PTPN11: variants seen among roughly 807,000 people sequenced by gnomAD.
PTPN11 encodes tyrosine-protein phosphatase non-receptor type 11.
In PTPN11, 6 loss-of-function variants were observed where a neutral mutation model predicts 78.8. The observed-to-expected ratio is 0.08, with a 90% CI of 0.04 to 0.15. PTPN11 has a LOEUF of 0.15. Among genes scored for constraint, PTPN11 ranks in the 10% least tolerant of loss-of-function variants. The pLI is 1.00. For missense variants in PTPN11, 386 were observed against 744.8 expected (o/e 0.52, Z 5.61); for synonymous variants, 221 against 263.5 (o/e 0.84, Z 1.56).
At chr12:112,419,296 C>T (rs1244481073) in intron 1 of PTPN11, among the ~76,000 whole-genome samples, 171 bp downstream of exon 1, 1 of 152,070 alleles carries the variant, frequency 6.6e-6, no homozygotes, top group East Asian at 1.9e-4. Context: ...GGGGCCGGCC[C>T]CACCGCGCCC....
At chr12:112,484,829 T>C (rs1056532052) in intron 10 of PTPN11, among the ~76,000 whole-genome samples, 35 of 151,704 alleles carry the variant, frequency 2.3e-4, no homozygotes, top group Non-Finnish European at 4.3e-4. Flanking sequence ...CTGGGCTGCA[T>C]TGAGCTGTGA....
rs1238453850 is a variant in PTPN11 at position 112,454,588 on chromosome 12, G to A, written c.550G>A (p.Gly184Arg). The stretch of plus-strand genomic sequence containing the variant: ...GGAACTGAAATACGACGTTGGTGGA[G>A]GAGAACGGTTTGATTCTTTGACAGA... ...CQELKYDVGG[G>R]ERFDSLTDLV... The change falls in exon 5 of 16, where the codon GGA (glycine) becomes AGA (arginine). Residue 184 changes from glycine to arginine, a missense_variant. By Grantham distance (125) the Gly-to-Arg change is moderately radical (BLOSUM62 -2). Transcript: ENST00000351677. 1 of 1,613,424 alleles carries A rather than the reference G, an allele frequency of 6.2e-7. No homozygotes were observed. The highest frequency in any genetic ancestry group is 1.3e-5 in the African/African-American group (1 of 74,906).
intron 1 of PTPN11, chr12:112,428,770 G>C (rs1277615765): frequency 1.3e-5 from 2 of 156,380 alleles, no homozygotes; most frequent in Non-Finnish European, 2.8e-5. Flanking sequence ...TTTTTGAGAC[G>C]GAGTTTAGCT....
intron 6 of PTPN11, chr12:112,457,476 A>G (rs1425085992): frequency 5.7e-6 from 1 of 176,202 alleles, no homozygotes; most frequent in African/African-American, 2.4e-5. Context: ...TGCAATAAAC[A>G]TATGTGTGCA....
chr12:112,470,425 C>T (rs983507138), intron 6 of PTPN11, among the ~76,000 whole-genome samples: 1 of 152,224 alleles, frequency 6.6e-6, no homozygotes, highest in Non-Finnish European at 1.5e-5. Context: ...TCATTTCACA[C>T]TCAAGGAAAC....
At chr12:112,492,605 C>T (rs1255336114) in intron 13 of PTPN11, among the ~76,000 whole-genome samples, 1 of 151,792 alleles carries the variant, frequency 6.6e-6, no homozygotes, top group Non-Finnish European at 1.5e-5. Flanking sequence ...GCAAGCTCCA[C>T]CTCCCGGGTT....
intron 6 of PTPN11, among the ~76,000 whole-genome samples, chr12:112,466,365 C>G (rs2038325683): frequency 6.6e-6 from 1 of 152,144 alleles, no homozygotes; most frequent in Non-Finnish European, 1.5e-5. Flanking sequence ...AATCTGCACA[C>G]AGGCCAGTAC....
At chr12:112,465,849 G>T (rs144672377) in intron 6 of PTPN11, among the ~76,000 whole-genome samples, 40 of 152,318 alleles carry the variant, frequency 2.6e-4, no homozygotes, top group African/African-American at 8.9e-4. Flanking sequence ...AAAAGTGTCT[G>T]CTGTGGACAC....
At chr12:112,436,938 G>A (rs997283719) in intron 1 of PTPN11, among the ~76,000 whole-genome samples, 6 of 151,916 alleles carry the variant, frequency 3.9e-5, no homozygotes, top group Admixed American at 1.3e-4. Flanking sequence ...GGTAAAAATG[G>A]TAATAAATTT....
At chr12:112,496,726 G>A (rs1592859404) in intron 13 of PTPN11, among the ~76,000 whole-genome samples, 2 of 152,134 alleles carry the variant, frequency 1.3e-5, no homozygotes, top group Admixed American at 6.5e-5. Context: ...TAGGTGTAAA[G>A]TAGTTTCAGA....
chr12:112,423,917 A>G lies in PTPN11; in HGVS notation c.14+4792A>G, dbSNP rs1594124315. Among the ~76,000 whole-genome samples the G allele has an allele frequency of 3.3e-5, 5 of 150,078 alleles. No individual in the cohort carries two copies. In the South Asian group the frequency reaches 1.1e-3, roughly 32 times the overall value. On this transcript the variant is annotated intron_variant, in intron 1 of 15. Coordinates refer to ENST00000351677, the MANE Select transcript of PTPN11 (RefSeq NM_002834.5). ...AGGCACGTGGCATCAAACTTGTCCA[A>G]TTTTTCTATTTTTTTGTAGAGTTAG... is the stretch of plus-strand genomic sequence containing the variant.
At position 112,504,544 on chromosome 12, in the gene PTPN11, T is replaced by C; in HGVS notation, c.1713-151T>C. 3.1e-6 allele frequency: 2 copies of C among 655,108 alleles called. No homozygotes were observed. Among genetic ancestry groups the C allele is most frequent in the East Asian group, 2.8e-5 (1 of 35,526 alleles). 40.6% of individuals were successfully genotyped at this position (655,108 alleles called of 1,614,324 possible). A position where few individuals can be genotyped will look rare whatever the true frequency, so the allele number is the denominator to read the frequency against. ...TATTGCTGTATGGCTATCTCTTCTC[T>C]CCCTGGGAATGTCAGGTCCTAGGCA... On this transcript the variant is annotated intron_variant, in intron 14 of 15. Transcript: ENST00000351677. This position sits in a 1 kb window ranked among gnomAD's most constrained non-coding sequence, Gnocchi z 4.7.
intron 1 of PTPN11, among the ~76,000 whole-genome samples, chr12:112,425,682 A>G (rs1449177801): frequency 6.6e-6 from 1 of 152,102 alleles, no homozygotes; most frequent in Non-Finnish European, 1.5e-5. Flanking sequence ...CTCATCCCTC[A>G]AACCCCTCCC....
chr12:112,472,744 G>C (rs2038438466), intron 6 of PTPN11, among the ~76,000 whole-genome samples, 200 bp from the exon 7 acceptor site: 1 of 152,058 alleles, frequency 6.6e-6, no homozygotes, highest in Non-Finnish European at 1.5e-5. Flanking sequence ...GAAGTGATCT[G>C]CCCACCTCAG....
At chr12:112,443,359 CTTTT>C (rs546004663) in intron 1 of PTPN11, among the ~76,000 whole-genome samples, 3 of 138,610 alleles carry the variant, frequency 2.2e-5, no homozygotes, top group Admixed American at 7.3e-5. Context: ...ATGGTTGTAT[CTTTT>C]TTTTTTTTTT....
chr12:112,465,552 A>G (rs1305186044), intron 6 of PTPN11, among the ~76,000 whole-genome samples: 1 of 151,940 alleles, frequency 6.6e-6, no homozygotes, highest in Non-Finnish European at 1.5e-5. Context: ...GCACCGTGGG[A>G]CCCAGGTTGT....
At chr12:112,434,151 A>G (rs1449897489) in intron 1 of PTPN11, among the ~76,000 whole-genome samples, 1 of 151,906 alleles carries the variant, frequency 6.6e-6, no homozygotes, top group Non-Finnish European at 1.5e-5. Flanking sequence ...ATAGTGGTGC[A>G]TTCCTGTAGT....
chr12:112,496,234 T>G (rs985597280), intron 13 of PTPN11, among the ~76,000 whole-genome samples: 9 of 152,232 alleles, frequency 5.9e-5, no homozygotes, highest in Non-Finnish European at 8.8e-5. Context: ...TCAGATTGGC[T>G]CCTGTGTCAT....
At chr12:112,434,809 CAG>C (rs1389507460) in intron 1 of PTPN11, among the ~76,000 whole-genome samples, 9 of 151,876 alleles carry the variant, frequency 5.9e-5, no homozygotes, top group Admixed American at 2.0e-4. Flanking sequence ...TTTTTTGAGA[CAG>C]AGTCTTACTC....
Sources: gnomAD v4.1 joint callset for allele counts (sites outside exome capture counted in the v4.1 genomes callset) on GRCh38, gnomAD v4.1.1 for gene constraint, Gnocchi (gnomAD v3.1) non-coding constraint, MANE v1.5 for transcripts, NCBI Gene and HGNC (gene_info 2026-07-23, HGNC 2026-07-21) for gene names.